Variants in RAD51B observed in about 807,000 individuals in gnomAD.
The protein encoded by RAD51B is DNA repair protein RAD51 homolog 2.
RAD51B carries 38 observed loss-of-function variants against 42.2 expected under a neutral mutation model. The observed-to-expected ratio is 0.90, with a 90% CI of 0.70 to 1.18. RAD51B has a LOEUF of 1.18. Ranked by LOEUF, RAD51B falls within the 50% of genes most tolerant of loss-of-function variation. The pLI, the probability that RAD51B is intolerant of heterozygous loss-of-function variation, is 0.00. For missense variants in RAD51B, 373 were observed against 400.7 expected (o/e 0.93, Z 0.59); for synonymous variants, 154 against 145.2 (o/e 1.06, Z -0.43).
rs796913151 is a variant in RAD51B, at chr14:68,038,401, C to CT, written c.756+151208dup. Among the ~76,000 whole-genome samples the CT allele has an allele frequency of 1.2e-3, 176 of 147,020 alleles. 1 individual carries two copies. Among genetic ancestry groups the CT allele is most frequent in the African/African-American group, 3.7e-3 (148 of 40,352 alleles). ...ATATTTTTATTCATAGCTTGATATC[C>CT]TTTTTTTTTTTCTTACTCAAATGAA... is the stretch of plus-strand genomic sequence containing the variant. On this transcript the variant is annotated intron_variant, in intron 7 of 10. Transcript: ENST00000471583.
intron 10 of RAD51B, among the ~76,000 whole-genome samples, chr14:68,550,231 TACTC>T (rs1888464285): frequency 6.6e-6 from 1 of 152,360 alleles, no homozygotes; most frequent in African/African-American, 2.4e-5. Flanking sequence ...GAGGGCATTA[TACTC>T]ACTTTTCAAA....
At chr14:68,426,007 C>CCTTCCTTCCTTCCTTTCTTT (rs1183115143) in intron 9 of RAD51B, among the ~76,000 whole-genome samples, 1 of 116,634 alleles carries the variant, frequency 8.6e-6, no homozygotes, top group Non-Finnish European at 1.7e-5. Flanking sequence ...TTCCTTCCTT[C>CCTTCCTTCCTTCCTTTCTTT]CTTTCTTTCT....
intron 7 of RAD51B, among the ~76,000 whole-genome samples, chr14:68,144,070 T>A (rs1459020606): frequency 5.9e-5 from 9 of 152,154 alleles, no homozygotes; most frequent in Non-Finnish European, 1.0e-4. Context: ...AAAACATATT[T>A]ACCTAATGAG....
At chr14:68,439,257 C>T (rs11158743) in intron 9 of RAD51B, among the ~76,000 whole-genome samples, 21,054 of 151,944 alleles carry the variant, frequency 0.14, 1,767 homozygotes, top group East Asian at 0.46. Flanking sequence ...TTCCTCTCCA[C>T]GATCCCTTTG....
At chr14:68,585,584 A>T (rs1458941643) in intron 10 of RAD51B, among the ~76,000 whole-genome samples, 1 of 152,222 alleles carries the variant, frequency 6.6e-6, no homozygotes, top group Non-Finnish European at 1.5e-5. Flanking sequence ...GGCTGGGGAC[A>T]GGATGACCTG....
At position 68,433,028 on chromosome 14, in the gene RAD51B, G is replaced by C. The variant is rs541745742; in HGVS notation, c.957+21501G>C. Among the ~76,000 whole-genome samples, 3 of 152,320 alleles carry C rather than the reference G, an allele frequency of 2.0e-5. No individual in the cohort carries two copies. In the South Asian group the frequency reaches 6.2e-4, roughly 32 times the overall value. Reference sequence around the variant, plus strand: ...TATGAAGCTTAGTTTGGCTGGATATGAAATTCTGGGCTGAAAATTCTTTCT... The same window carrying C: ...TATGAAGCTTAGTTTGGCTGGATATCAAATTCTGGGCTGAAAATTCTTTCT... On this transcript the variant is annotated intron_variant, in intron 9 of 10. Transcript: ENST00000471583.
At chr14:68,395,955 T>G (rs2083906641) in intron 8 of RAD51B, among the ~76,000 whole-genome samples, 1 of 152,224 alleles carries the variant, frequency 6.6e-6, no homozygotes, top group Non-Finnish European at 1.5e-5. Flanking sequence ...TCATGAAAAC[T>G]TATGGGTTAT....
intron 6 of RAD51B, chr14:67,886,676 G>T (rs535165696): frequency 6.5e-4 from 157 of 243,328 alleles, no homozygotes; most frequent in Middle Eastern, 2.5e-3. Context: ...ATCAAGTCTG[G>T]CACACTGTGG....
At chr14:68,060,415 G>A (rs2076548941) in intron 7 of RAD51B, among the ~76,000 whole-genome samples, 2 of 152,198 alleles carry the variant, frequency 1.3e-5, no homozygotes, top group Non-Finnish European at 2.9e-5. Flanking sequence ...GTGAGCTGCA[G>A]CTACTTTCTC....
intron 8 of RAD51B, among the ~76,000 whole-genome samples, chr14:68,309,777 C>T (rs187740937): frequency 6.6e-6 from 1 of 152,154 alleles, no homozygotes; most frequent in Admixed American, 6.5e-5. Flanking sequence ...TGGATGTCTG[C>T]CAAAGACATG....
chr14:67,861,978 G>C (rs1357909212), intron 4 of RAD51B, among the ~76,000 whole-genome samples: 4 of 151,950 alleles, frequency 2.6e-5, no homozygotes, highest in Non-Finnish European at 4.4e-5. Context: ...CAGTCAGTGG[G>C]GGGGAAGGGG....
At chr14:68,114,519 T>C (rs545806118) in intron 7 of RAD51B, among the ~76,000 whole-genome samples, 64 of 152,258 alleles carry the variant, frequency 4.2e-4, no homozygotes, top group African/African-American at 1.4e-3. Flanking sequence ...TTCTCTGTTA[T>C]ATTTTATAAT....
chr14:68,250,805 A>G (rs1322603995), intron 7 of RAD51B, among the ~76,000 whole-genome samples: 1 of 152,208 alleles, frequency 6.6e-6, no homozygotes, highest in Non-Finnish European at 1.5e-5. Context: ...GGGTTATGGA[A>G]CATTCCCAGG....
chr14:68,536,099 G>C (rs1887601598), intron 10 of RAD51B, among the ~76,000 whole-genome samples: 1 of 152,134 alleles, frequency 6.6e-6, no homozygotes, highest in South Asian at 2.1e-4. Flanking sequence ...AGTCCCACAG[G>C]TCTGGTCAGG....
intron 7 of RAD51B, among the ~76,000 whole-genome samples, chr14:67,981,689 A>G (rs2075095851): frequency 6.6e-6 from 1 of 152,226 alleles, no homozygotes. Context: ...TCATGCTGAG[A>G]GAAATAAGTC....
chr14:68,442,778 A>G (rs1644882344), intron 9 of RAD51B, among the ~76,000 whole-genome samples: 1 of 148,190 alleles, frequency 6.7e-6, no homozygotes, highest in African/African-American at 2.4e-5. Flanking sequence ...TCTTTATGCT[A>G]ACCTGTGATA....
At chr14:68,353,058 T>C (rs888013694) in intron 8 of RAD51B, among the ~76,000 whole-genome samples, 3 of 152,208 alleles carry the variant, frequency 2.0e-5, no homozygotes, top group Admixed American at 2.0e-4. Context: ...TTTTTATTAT[T>C]AGCAATGTCA....
chr14:68,461,221 A>G (rs1053299429), intron 9 of RAD51B, among the ~76,000 whole-genome samples: 1 of 151,664 alleles, frequency 6.6e-6, no homozygotes, highest in Admixed American at 6.6e-5. Flanking sequence ...ACTTTCAGGG[A>G]TGAAGGGCAG....
At chr14:68,266,771 C>G (rs2080999414) in intron 7 of RAD51B, among the ~76,000 whole-genome samples, 1 of 152,176 alleles carries the variant, frequency 6.6e-6, no homozygotes, top group Admixed American at 6.5e-5. Flanking sequence ...ACATGTATTC[C>G]TGGTGACTCT....
Sources: allele counts gnomAD v4.1 joint callset (sites outside exome capture counted in the v4.1 genomes callset), GRCh38; gene constraint gnomAD v4.1.1; transcripts MANE v1.5; gene names NCBI Gene and HGNC (gene_info 2026-07-23, HGNC 2026-07-21).